DOCK9: variants seen among roughly 807,000 people sequenced by gnomAD.
DOCK9 encodes the protein dedicator of cytokinesis protein 9.
A neutral mutation model predicts 263.3 loss-of-function variants in DOCK9; 89 were observed. The ratio of observed to expected loss-of-function variants is 0.34; its 90% CI spans 0.28 to 0.40. DOCK9 has a LOEUF of 0.40. DOCK9 is among the 10% of genes least tolerant of loss of function. The pLI is 1.00. For synonymous variants in DOCK9, 976 were observed against 973.1 expected (o/e 1.00, Z -0.06); for missense variants, 2,140 against 2,603.4 (o/e 0.82, Z 3.87).
rs543703910 is a variant in DOCK9, at chr13:98,936,443, G to C, written c.244-6186C>G. Among the ~76,000 whole-genome samples the C allele has an allele frequency of 4.6e-5, 7 of 152,018 alleles. No homozygotes were observed. The East Asian group carries it at 5.8e-4, about 13-fold the overall frequency. On this transcript the variant is annotated intron_variant, in intron 2 of 52. Coordinates refer to ENST00000682017, the MANE Select transcript of DOCK9 (RefSeq NM_001366683.2). ...GAGACCAACCTGGGCAACATAGCGTGACCTTGTCTCTACTAAAAATAAAAA... is the reference window on the plus strand; with the variant it reads ...GAGACCAACCTGGGCAACATAGCGTCACCTTGTCTCTACTAAAAATAAAAA...
At chr13:98,838,124 C>T (rs762056288) in intron 38 of DOCK9, among the ~76,000 whole-genome samples, 2 of 152,274 alleles carry the variant, frequency 1.3e-5, no homozygotes, top group African/African-American at 2.4e-5. Flanking sequence ...CCCATGTAGA[C>T]GGAGGCAGCA....
At chr13:98,921,861 G>T (rs2052053847) in intron 6 of DOCK9, among the ~76,000 whole-genome samples, 190 bp downstream of exon 6, 1 of 152,186 alleles carries the variant, frequency 6.6e-6, no homozygotes, top group South Asian at 2.1e-4. Context: ...GTGGTCAGAA[G>T]ACAGTGAGGG....
chr13:98,937,427 T>A (rs948524502), intron 2 of DOCK9, among the ~76,000 whole-genome samples: 2 of 152,168 alleles, frequency 1.3e-5, no homozygotes, highest in Admixed American at 1.3e-4. Context: ...AGATGATCGA[T>A]AGACAGATAG....
At position 98,903,020 on chromosome 13, in the gene DOCK9, G is replaced by A. The variant is rs2048528952; in HGVS notation, c.1128C>T (p.Phe376=). Residue 376 remains phenylalanine (F), a synonymous_variant, in exon 11 of 53, where the codon TTC becomes TTT. Coordinates refer to ENST00000682017, the MANE Select transcript of DOCK9 (RefSeq NM_001366683.2). ...TTTCGGCAACACAGCATTGCAAATT[G>A]AAAGATAAATCATTGCACTTGACAA... ...RILVKCNDLS[F]NLQCCVAENE... The A allele has an allele frequency of 6.5e-7, 1 of 1,538,058 alleles. No individual in the cohort carries two copies. The highest frequency in any genetic ancestry group is 8.8e-7 in the Non-Finnish European group (1 of 1,142,648).
intron 1 of DOCK9, among the ~76,000 whole-genome samples, chr13:98,983,770 C>T (rs1375877006): frequency 6.6e-6 from 1 of 151,892 alleles, no homozygotes; most frequent in East Asian, 1.9e-4. Flanking sequence ...GTGCCCACCA[C>T]CACGGGTGGG....
At chr13:98,857,482 G>C (rs1180426034) in intron 33 of DOCK9, 1 of 152,178 alleles carries the variant, frequency 6.6e-6, no homozygotes, top group Non-Finnish European at 1.5e-5. Flanking sequence ...GTAGAGACGG[G>C]TTTTCACCAT....
At chr13:98,803,955 T>G (rs199884549) in intron 49 of DOCK9, among the ~76,000 whole-genome samples, 2 of 127,714 alleles carry the variant, frequency 1.6e-5, no homozygotes, top group South Asian at 2.6e-4. Context: ...TTTTTTTTTT[T>G]GTAACAGCTT....
rs752424353 is a variant in DOCK9, at chr13:98,925,951, A to G, written c.334-32T>C. 2.0e-6 allele frequency: 3 copies of G among 1,498,430 alleles called. No individual in the cohort carries two copies. In the South Asian group the frequency reaches 3.8e-5, roughly 19 times the overall value. The allele number at this position is 1,498,430 out of a possible 1,614,324, so 92.8% of individuals were successfully genotyped here. ...AAGGGGGATTTTAAAAATAGAAAAT[A>G]AAAAACAGAAAGACGTGATTTTTGG... is the stretch of plus-strand genomic sequence containing the variant. On this transcript the variant is annotated intron_variant, in intron 3 of 52. Coordinates refer to ENST00000682017, the MANE Select transcript of DOCK9 (RefSeq NM_001366683.2).
intron 2 of DOCK9, chr13:98,950,315 G>A (rs989891742): frequency 2.5e-6 from 2 of 808,946 alleles, no homozygotes; most frequent in African/African-American, 1.7e-5. Flanking sequence ...AACCTGAGCT[G>A]TTTTCCTTTC....
rs9554523 is a variant in DOCK9, at chr13:98,796,354, C to A, written c.6156+761G>T. The A allele has an allele frequency of 0.22, 150,425 of 691,966 alleles. 19,601 individuals are homozygous for A. The highest frequency in any genetic ancestry group is 0.36 in the East Asian group (12,733 of 35,538). The allele number at this position is 691,966 out of a possible 1,614,324, so 42.9% of individuals were successfully genotyped here. A position where few individuals can be genotyped will look rare whatever the true frequency, so the allele number is the denominator to read the frequency against. ...ACAAACGGCCCTGGCTTCCACTGTG[C>A]CAGACTGAAGGACGATAATGGAGGG... On this transcript the variant is annotated intron_variant, in intron 52 of 52. Coordinates refer to ENST00000682017, the MANE Select transcript of DOCK9 (RefSeq NM_001366683.2).
At chr13:98,808,056 G>A (rs888823565) in intron 47 of DOCK9, among the ~76,000 whole-genome samples, 3 of 152,170 alleles carry the variant, frequency 2.0e-5, no homozygotes, top group South Asian at 2.1e-4. Context: ...AAAGATTTTG[G>A]ATACAAGACT....
chr13:99,076,595 G>T (rs1280348591), intron 1 of DOCK9, among the ~76,000 whole-genome samples: 2 of 152,188 alleles, frequency 1.3e-5, no homozygotes, highest in Non-Finnish European at 2.9e-5. Context: ...ATATGATAGA[G>T]CCTGTGCATT....
intron 1 of DOCK9, among the ~76,000 whole-genome samples, chr13:99,003,367 C>G (rs1882741284): frequency 6.6e-6 from 1 of 152,198 alleles, no homozygotes; most frequent in South Asian, 2.1e-4. Context: ...TTCTCCTGTC[C>G]CTTCCAGGGC....
chr13:99,047,916 C>G (rs965208646), intron 1 of DOCK9, among the ~76,000 whole-genome samples: 2 of 152,114 alleles, frequency 1.3e-5, no homozygotes, highest in Admixed American at 1.3e-4. Context: ...CTTTCACTGG[C>G]CTTTTACAAC....
At chr13:98,958,265 A>G (rs889187903) in intron 1 of DOCK9, among the ~76,000 whole-genome samples, 8 of 152,204 alleles carry the variant, frequency 5.3e-5, no homozygotes, top group African/African-American at 7.2e-5. Context: ...CCACCCCTTC[A>G]GCAGCTTCCC....
chr13:98,932,999 A>G (rs1343291606), intron 2 of DOCK9, among the ~76,000 whole-genome samples: 1 of 152,130 alleles, frequency 6.6e-6, no homozygotes, highest in African/African-American at 2.4e-5. Context: ...AATATACTGT[A>G]TATATATAGA....
At chr13:98,976,664 C>T (rs1458702165) in intron 1 of DOCK9, among the ~76,000 whole-genome samples, 1 of 152,148 alleles carries the variant, frequency 6.6e-6, no homozygotes, top group Non-Finnish European at 1.5e-5. Flanking sequence ...AACAATGTAG[C>T]AGAGGGTGAA....
chr13:98,997,633 C>T (rs1372549710), intron 1 of DOCK9, among the ~76,000 whole-genome samples: 1 of 152,250 alleles, frequency 6.6e-6, no homozygotes, highest in East Asian at 1.9e-4. Flanking sequence ...ACTCCATCCA[C>T]ATCAGACTAT....
intron 9 of DOCK9, among the ~76,000 whole-genome samples, chr13:98,907,500 AC>A (rs1344730839): frequency 4.6e-5 from 7 of 152,248 alleles, no homozygotes; most frequent in African/African-American, 1.7e-4. Context: ...TAAAAGAAAA[AC>A]AATTAACTAC....
Sources: gnomAD v4.1 joint callset for allele counts (sites outside exome capture counted in the v4.1 genomes callset) on GRCh38, gnomAD v4.1.1 for gene constraint, MANE v1.5 for transcripts, NCBI Gene and HGNC (gene_info 2026-07-23, HGNC 2026-07-21) for gene names.